The following FBN2 variants were observed in gnomAD, a reference collection of about 807,000 sequenced individuals.
FBN2 encodes fibrillin 2.
In FBN2, 105 loss-of-function variants were observed where a neutral mutation model predicts 355.6. The observed-to-expected ratio is 0.30, with a 90% CI of 0.25 to 0.35. The LOEUF is 0.35. Among genes scored for constraint, FBN2 ranks in the 10% least tolerant of loss-of-function variants. FBN2 has a pLI of 1.00. For missense variants in FBN2, 3,280 were observed against 3,758.7 expected (o/e 0.87, Z 3.33); for synonymous variants, 1,350 against 1,301.2 (o/e 1.04, Z -0.81).
intron 5 of FBN2, among the ~76,000 whole-genome samples, chr5:128,465,578 C>T (rs1754690790): frequency 6.6e-6 from 1 of 152,196 alleles, no homozygotes; most frequent in Non-Finnish European, 1.5e-5. Context: ...ATTTCTGTTT[C>T]TGTGTCAGTC....
chr5:128,345,352 G>A lies in FBN2; in HGVS notation c.3217+5C>T. 1 of 1,612,740 alleles carries A rather than the reference G, an allele frequency of 6.2e-7. No homozygotes were observed. The highest frequency in any genetic ancestry group is 8.5e-7 in the Non-Finnish European group (1 of 1,178,686). On this transcript the variant is annotated splice_donor_5th_base_variant and intron_variant, in intron 24 of 64. Transcript: ENST00000262464. ...AGGACCAAGGCGCTGGCCGCAGGCAGTTACCTTTGTAAAATGGCCGCCCAG... is the reference window on the plus strand; with the variant it reads ...AGGACCAAGGCGCTGGCCGCAGGCAATTACCTTTGTAAAATGGCCGCCCAG...
chr5:128,373,043 T>C (rs1390442621), intron 15 of FBN2, among the ~76,000 whole-genome samples: 4 of 152,188 alleles, frequency 2.6e-5, no homozygotes, highest in East Asian at 1.9e-4. Context: ...ACATGAGAAA[T>C]AATGTTTTTA....
intron 4 of FBN2, among the ~76,000 whole-genome samples, chr5:128,523,296 G>A (rs1756483365): frequency 6.6e-6 from 1 of 152,036 alleles, no homozygotes; most frequent in Non-Finnish European, 1.5e-5. Flanking sequence ...TTTGCTATTG[G>A]TGCTGCCTTC....
chr5:128,478,778 C>G (rs1755071646), intron 5 of FBN2, among the ~76,000 whole-genome samples: 1 of 152,112 alleles, frequency 6.6e-6, no homozygotes. Flanking sequence ...AAATATATTA[C>G]AAGTTGAAAA....
intron 25 of FBN2, among the ~76,000 whole-genome samples, chr5:128,340,364 A>G (rs1271538319): frequency 6.6e-6 from 1 of 152,152 alleles, no homozygotes. Flanking sequence ...TATTTCTCCA[A>G]TTACAGGAGT....
intron 28 of FBN2, 91 bp from the exon 29 acceptor site, chr5:128,335,668 G>T: frequency 1.4e-6 from 2 of 1,461,800 alleles, no homozygotes; most frequent in East Asian, 2.3e-5. Context: ...ATGTGGCTTT[G>T]AATTTTTCTC....
intron 29 of FBN2, 40 bp downstream of exon 29, chr5:128,335,415 T>C: frequency 1.9e-6 from 3 of 1,613,796 alleles, no homozygotes; most frequent in Non-Finnish European, 2.5e-6. Flanking sequence ...AAGAAAAAAT[T>C]AGTTAGATGT....
At position 128,302,997 on chromosome 5, in the gene FBN2, G is replaced by A. The variant is rs778340831; in HGVS notation, c.5893C>T (p.Leu1965Phe). 1.3e-6 allele frequency: 2 copies of A among 1,599,064 alleles called. No individual in the cohort carries two copies. Among genetic ancestry groups the A allele is most frequent in the South Asian group, 2.2e-5 (2 of 90,756 alleles). The change falls in exon 46 of 65, where the codon CTC becomes TTC. Residue 1965 changes from leucine to phenylalanine, a missense_variant. Coordinates refer to ENST00000262464, the MANE Select transcript of FBN2 (RefSeq NM_001999.4). ...YNCLCYPGFE[L>F]THNNDCLDID... ...CCCAGGCAATCATTATTATGAGTGAGTTCAAACCCTGGGTAGCACAGACAG... is the reference window on the plus strand; with the variant it reads ...CCCAGGCAATCATTATTATGAGTGAATTCAAACCCTGGGTAGCACAGACAG...
intron 34 of FBN2, among the ~76,000 whole-genome samples, chr5:128,325,163 T>C (rs543578877): frequency 6.6e-6 from 1 of 152,268 alleles, no homozygotes; most frequent in South Asian, 2.1e-4. Context: ...CTGAATATCC[T>C]TTATTTTCTG....
chr5:128,353,216 C>A (rs1205565762), intron 20 of FBN2, among the ~76,000 whole-genome samples: 4 of 151,744 alleles, frequency 2.6e-5, no homozygotes, highest in Non-Finnish European at 4.4e-5. Flanking sequence ...ACAAAAATAC[C>A]CCCCTGCCCC....
At chr5:128,364,024 C>T (rs554047206) in intron 18 of FBN2, among the ~76,000 whole-genome samples, 118 of 152,172 alleles carry the variant, frequency 7.8e-4, no homozygotes, top group African/African-American at 2.7e-3. Flanking sequence ...TATAAAAGTC[C>T]ACTCAAGTGC....
chr5:128,298,416 A>T lies in FBN2; in HGVS notation c.6166+2401T>A, dbSNP rs1483656866. ...TAGATTGGGGAAGTTCTCCTGGATA[A>T]CATCCTGCAGAGTGTTTTCCAACTT... On this transcript the variant is annotated intron_variant, in intron 48 of 64. Coordinates refer to ENST00000262464, the MANE Select transcript of FBN2 (RefSeq NM_001999.4). 2.0e-5 allele frequency among the ~76,000 whole-genome samples: 3 copies of T among 150,258 alleles called. No homozygotes were observed. The South Asian group carries it at 6.3e-4, about 32-fold the overall frequency.
intron 62 of FBN2, among the ~76,000 whole-genome samples, chr5:128,265,395 T>C (rs1765090821): frequency 6.6e-6 from 1 of 152,200 alleles, no homozygotes; most frequent in Non-Finnish European, 1.5e-5. Context: ...ATATGTAACA[T>C]TTTTGCAAGC....
intron 7 of FBN2, among the ~76,000 whole-genome samples, chr5:128,427,117 A>T (rs1322830010): frequency 6.6e-6 from 1 of 152,162 alleles, no homozygotes; most frequent in African/African-American, 2.4e-5. Flanking sequence ...GTCTCAAATT[A>T]ACCCTCTAAA....
intron 18 of FBN2, among the ~76,000 whole-genome samples, chr5:128,364,071 T>C (rs1291790299): frequency 1.3e-5 from 2 of 152,214 alleles, no homozygotes; most frequent in African/African-American, 4.8e-5. Flanking sequence ...GAAATAAGAC[T>C]GTCAAACCTT....
chr5:128,364,473 G>T, intron 18 of FBN2, 127 bp downstream of exon 18: 1 of 968,980 alleles, frequency 1.0e-6, no homozygotes, highest in Non-Finnish European at 1.5e-6. Flanking sequence ...CTGTCAATGT[G>T]TAATATGAAG....
At chr5:128,396,885 T>C (rs1752663658) in intron 8 of FBN2, among the ~76,000 whole-genome samples, 1 of 152,220 alleles carries the variant, frequency 6.6e-6, no homozygotes, top group African/African-American at 2.4e-5. Context: ...AAACTGTTAA[T>C]TGCTTATAAT....
intron 48 of FBN2, among the ~76,000 whole-genome samples, chr5:128,292,993 A>AG (rs1184026046): frequency 2.0e-4 from 30 of 152,212 alleles, no homozygotes; most frequent in African/African-American, 7.2e-4. Flanking sequence ...CCCCTTAGGT[A>AG]GTAAGTTACC....
chr5:128,336,826 T>G (rs564734722), intron 27 of FBN2, among the ~76,000 whole-genome samples: 6 of 152,218 alleles, frequency 3.9e-5, no homozygotes, highest in Non-Finnish European at 1.5e-5. Context: ...CACTTCCTTA[T>G]GTAAACTACT....
Sources: allele counts gnomAD v4.1 joint callset (sites outside exome capture counted in the v4.1 genomes callset), GRCh38; gene constraint gnomAD v4.1.1; transcripts MANE v1.5; gene names NCBI Gene and HGNC (gene_info 2026-07-23, HGNC 2026-07-21).